Variants in CC2D2A observed in about 807,000 individuals in gnomAD.
CC2D2A encodes the protein coiled-coil and C2 domain containing 2A.
Under a neutral mutation model 212.9 loss-of-function variants are expected in CC2D2A, and 155 were observed. The ratio of observed to expected loss-of-function variants is 0.73; its 90% CI spans 0.64 to 0.83. CC2D2A has a LOEUF of 0.83. Ranked by LOEUF, CC2D2A falls within the 40% of genes least tolerant of loss-of-function variation. The pLI, the probability that CC2D2A is intolerant of heterozygous loss-of-function variation, is 0.00. For synonymous variants in CC2D2A, 667 were observed against 686.5 expected, an observed-to-expected ratio of 0.97 and a Z score of 0.44; for missense variants, 1,856 against 1,956.2, an observed-to-expected ratio of 0.95 and a Z score of 0.97.
At position 15,601,291 on chromosome 4, in the gene CC2D2A, G is replaced by A. The variant is rs199695154; in HGVS notation, c.4729G>A (p.Ala1577Thr). 7.0e-5 allele frequency: 113 copies of A among 1,612,686 alleles called. No individual in the cohort carries two copies. The African/African-American group carries it at 1.3e-3, about 19-fold the overall frequency. Residue 1577 changes from alanine to threonine, a missense_variant, in exon 37 of 37, where the codon GCT (alanine) becomes ACT (threonine). By Grantham distance (58) the Ala-to-Thr change is moderately conservative. Around this residue, in one of 5 missense-constraint regions of CC2D2A, gnomAD observed 285 missense variants for 278.4 expected, o/e 1.02. Coordinates refer to ENST00000424120, the MANE Select transcript of CC2D2A (RefSeq NM_001378615.1). ...TTCTGAAGTGAAGCCTTTAATTGACGCTGTGTATAGTACTGGAGTACATAA... is the reference window on the plus strand; with the variant it reads ...TTCTGAAGTGAAGCCTTTAATTGACACTGTGTATAGTACTGGAGTACATAA... Reference protein sequence around the residue: ...PYSEVKPLIDAVYSTGVHNID... With the variant: ...PYSEVKPLIDTVYSTGVHNID...
intron 15 of CC2D2A, among the ~76,000 whole-genome samples, 189 bp downstream of exon 15, chr4:15,537,265 A>C (rs1294818381): frequency 6.6e-6 from 1 of 152,204 alleles, no homozygotes; most frequent in East Asian, 1.9e-4. Context: ...ATTTGCTTAA[A>C]AAGCCACCCA....
At chr4:15,567,898 C>A in intron 26 of CC2D2A, 112 bp downstream of exon 26, 1 of 716,356 alleles carries the variant, frequency 1.4e-6, no homozygotes, top group Non-Finnish European at 2.3e-6. Flanking sequence ...TGAGCGGCAA[C>A]AAGATCCAGG....
intron 36 of CC2D2A, among the ~76,000 whole-genome samples, chr4:15,600,914 A>AG (rs1721561323): frequency 1.4e-5 from 1 of 70,464 alleles, no homozygotes; most frequent in African/African-American, 4.6e-5. Flanking sequence ...AAAAAAAAAA[A>AG]AAAAAAAGAA....
intron 26 of CC2D2A, among the ~76,000 whole-genome samples, chr4:15,568,107 C>A (rs1196150454): frequency 1.3e-5 from 2 of 152,226 alleles, no homozygotes; most frequent in Non-Finnish European, 2.9e-5. Flanking sequence ...TCCTTTCTTC[C>A]TCATGTCCCC....
intron 1 of CC2D2A, among the ~76,000 whole-genome samples, chr4:15,472,659 T>C (rs1450630220): frequency 6.6e-6 from 1 of 152,000 alleles, no homozygotes; most frequent in Non-Finnish European, 1.5e-5. Context: ...TTTTTTTTTT[T>C]TTCAGTTTGC....
intron 24 of CC2D2A, among the ~76,000 whole-genome samples, chr4:15,564,772 G>C (rs1330184057): frequency 6.6e-6 from 1 of 152,020 alleles, no homozygotes; most frequent in African/African-American, 2.4e-5. Flanking sequence ...CGACCTCCTG[G>C]GCTCAAGTGA....
chr4:15,477,640 C>T (rs534655743), intron 2 of CC2D2A, among the ~76,000 whole-genome samples: 1 of 152,132 alleles, frequency 6.6e-6, no homozygotes, highest in Non-Finnish European at 1.5e-5. Flanking sequence ...TGGCGAATCC[C>T]CTGAACTAAG....
At chr4:15,492,802 A>T in intron 4 of CC2D2A, 1 of 662,696 alleles carries the variant, frequency 1.5e-6, no homozygotes, top group Admixed American at 1.8e-5. Flanking sequence ...CCAGGAAATG[A>T]GCTTGATAAA....
intron 29 of CC2D2A, among the ~76,000 whole-genome samples, chr4:15,579,352 G>A (rs1380432923): frequency 6.6e-6 from 1 of 151,612 alleles, no homozygotes; most frequent in Non-Finnish European, 1.5e-5. Flanking sequence ...TCTGGGAATT[G>A]TTTGCTCATC....
At chr4:15,598,764 C>T (rs1291831870) in intron 35 of CC2D2A, among the ~76,000 whole-genome samples, 1 of 152,192 alleles carries the variant, frequency 6.6e-6, no homozygotes, top group South Asian at 2.1e-4. Context: ...AAGAGCTCCA[C>T]AAATATTTGA....
At chr4:15,527,182 T>G (rs1237553550) in intron 11 of CC2D2A, among the ~76,000 whole-genome samples, 1 of 152,194 alleles carries the variant, frequency 6.6e-6, no homozygotes, top group Non-Finnish European at 1.5e-5. Flanking sequence ...AACTACAACT[T>G]AGGCAAGTAA....
chr4:15,539,295 T>C, intron 16 of CC2D2A, among the ~76,000 whole-genome samples: 1 of 152,176 alleles, frequency 6.6e-6, no homozygotes, highest in East Asian at 1.9e-4. Flanking sequence ...TGGTATATCA[T>C]CATTAATTAA....
At position 15,596,227 on chromosome 4, in the gene CC2D2A, A is replaced by T; in HGVS notation, c.4437+20A>T. 1 of 1,489,446 alleles carries T rather than the reference A, an allele frequency of 6.7e-7. No individual in the cohort carries two copies. Among genetic ancestry groups the T allele is most frequent in the South Asian group, 1.4e-5 (1 of 72,890 alleles). 92.3% of individuals were successfully genotyped at this position (1,489,446 alleles called of 1,614,324 possible). A position where few individuals can be genotyped will look rare whatever the true frequency, so the allele number is the denominator to read the frequency against. On this transcript the variant is annotated intron_variant, in intron 34 of 36. Transcript: ENST00000424120. ...GTTCAGGTATAAATCTTTTATTAACAGTTAAATGTAGACAAAGTAAAAGAT... is the reference window on the plus strand; with the variant it reads ...GTTCAGGTATAAATCTTTTATTAACTGTTAAATGTAGACAAAGTAAAAGAT...
At chr4:15,529,581 T>A (rs1717707660) in intron 13 of CC2D2A, among the ~76,000 whole-genome samples, 1 of 152,148 alleles carries the variant, frequency 6.6e-6, no homozygotes, top group East Asian at 1.9e-4. Flanking sequence ...ATCTTAGACA[T>A]TTTCCTGTTA....
intron 1 of CC2D2A, among the ~76,000 whole-genome samples, chr4:15,470,523 C>T (rs541204621): frequency 6.6e-6 from 1 of 152,124 alleles, no homozygotes; most frequent in African/African-American, 2.4e-5. Context: ...ACAACTTAAG[C>T]TGATTGTTTG....
intron 21 of CC2D2A, 95 bp downstream of exon 21, chr4:15,557,602 G>T: frequency 1.4e-6 from 1 of 724,634 alleles, no homozygotes; most frequent in South Asian, 2.5e-5. Context: ...TTGTTATGTT[G>T]TCACTAGCAA....
intron 11 of CC2D2A, among the ~76,000 whole-genome samples, chr4:15,524,591 C>CA (rs1173032409): frequency 6.6e-6 from 1 of 151,460 alleles, no homozygotes; most frequent in Non-Finnish European, 1.5e-5. Flanking sequence ...GCTGGGACTA[C>CA]AGGTGCCCGC....
Position 15,488,728 on chromosome 4 carries a change from G to A in CC2D2A, c.247+7901G>A, listed in dbSNP as rs190956623. Among the ~76,000 whole-genome samples the A allele has an allele frequency of 3.5e-3, 528 of 152,260 alleles. 2 individuals are homozygous for A. Among genetic ancestry groups the A allele is most frequent in the African/African-American group, 0.012 (507 of 41,552 alleles). ...AACCTGTGACCCTCTGTCCTACAAG[G>A]CTCCAAGTATTGTCAAGGTCAGGCT... is the stretch of plus-strand genomic sequence containing the variant. On this transcript the variant is annotated intron_variant, in intron 4 of 36. Coordinates refer to ENST00000424120, the MANE Select transcript of CC2D2A (RefSeq NM_001378615.1).
At chr4:15,547,016 A>C (rs950953256) in intron 17 of CC2D2A, among the ~76,000 whole-genome samples, 24 of 152,236 alleles carry the variant, frequency 1.6e-4, no homozygotes, top group African/African-American at 5.1e-4. Flanking sequence ...TCCCATTAAA[A>C]AAAAAATCTT....
Sources: allele counts gnomAD v4.1 joint callset (sites outside exome capture counted in the v4.1 genomes callset), GRCh38; gene constraint gnomAD v4.1.1; regional missense constraint gnomAD v4.1.1; transcripts MANE v1.5; gene names NCBI Gene and HGNC (gene_info 2026-07-23, HGNC 2026-07-21).